Variants in TNFSF4 observed in about 807,000 individuals in gnomAD.
The protein encoded by TNFSF4 is TNF superfamily member 4, also known as tumor necrosis factor ligand superfamily member 4.
Under a neutral mutation model 7.3 loss-of-function variants are expected in TNFSF4, and 4 were observed. The observed-to-expected ratio is 0.55, with a 90% CI of 0.27 to 1.25. The LOEUF is 1.25. Among genes scored for constraint, TNFSF4 ranks in the 50% most tolerant of loss-of-function variants. The pLI is 0.12. For missense variants in TNFSF4, 181 were observed against 208.8 expected (o/e 0.87, Z 0.82); for synonymous variants, 76 against 83.7 (o/e 0.91, Z 0.50).
chr1:173,209,869 A>AATAAAGCC (rs369029361), upstream of TNFSF4, among the ~76,000 whole-genome samples: 313 of 152,298 alleles, frequency 2.1e-3, 1 homozygote, highest in Middle Eastern at 6.8e-3. Flanking sequence ...TCAGCCTTAA[A>AATAAAGCC]ATAAAGCCAC....
At chr1:173,198,861 A>G (rs1269687472) in intron 1 of TNFSF4, among the ~76,000 whole-genome samples, 1 of 152,216 alleles carries the variant, frequency 6.6e-6, no homozygotes, top group Non-Finnish European at 1.5e-5. Context: ...ACAAACTGAG[A>G]CTGGCGAATG....
At chr1:173,199,238 T>G (rs966528502) in intron 1 of TNFSF4, among the ~76,000 whole-genome samples, 5 of 152,224 alleles carry the variant, frequency 3.3e-5, no homozygotes, top group Non-Finnish European at 5.9e-5. Flanking sequence ...TGATGCTCCA[T>G]AAACATTGCT....
At chr1:173,281,893 T>A in the TNFSF4 span, among the ~76,000 whole-genome samples, 12 of 152,206 alleles carry the variant, frequency 7.9e-5, no homozygotes, top group African/African-American at 2.9e-4. Flanking sequence ...AATAAGAATT[T>A]GTCCAGTCAC....
the TNFSF4 span, among the ~76,000 whole-genome samples, chr1:173,229,259 G>A: frequency 6.6e-6 from 1 of 152,216 alleles, no homozygotes; most frequent in Non-Finnish European, 1.5e-5. Flanking sequence ...CAAGCCAGAA[G>A]AGAGTGGGGG....
chr1:173,264,649 C>T, the TNFSF4 span, among the ~76,000 whole-genome samples: 1 of 152,162 alleles, frequency 6.6e-6, no homozygotes, highest in South Asian at 2.1e-4. Flanking sequence ...AGCAAACAAA[C>T]TTTCTGACAT....
chr1:173,341,643 G>A, the TNFSF4 span, among the ~76,000 whole-genome samples: 2 of 152,288 alleles, frequency 1.3e-5, no homozygotes, highest in South Asian at 4.1e-4. Flanking sequence ...CTTGCAAACA[G>A]GAGACATTAC....
the TNFSF4 span, among the ~76,000 whole-genome samples, chr1:173,383,551 GGA>G: frequency 6.6e-6 from 1 of 152,144 alleles, no homozygotes; most frequent in Admixed American, 6.5e-5. Context: ...TTCAGATTCT[GGA>G]AAGAGACACT....
chr1:173,180,327 G>A (rs781155962), downstream of TNFSF4, among the ~76,000 whole-genome samples: 14 of 152,116 alleles, frequency 9.2e-5, no homozygotes, highest in African/African-American at 2.9e-4. Flanking sequence ...TATATTCAAC[G>A]CTTGGTGAGA....
the TNFSF4 span, among the ~76,000 whole-genome samples, chr1:173,354,744 T>C: frequency 1.3e-5 from 2 of 152,136 alleles, no homozygotes; most frequent in Non-Finnish European, 2.9e-5. Context: ...ATAAAAAACT[T>C]TGGAAAAATA....
chr1:173,323,732 T>C, the TNFSF4 span, among the ~76,000 whole-genome samples: 1 of 152,136 alleles, frequency 6.6e-6, no homozygotes, highest in African/African-American at 2.4e-5. Flanking sequence ...CCATAGTAAC[T>C]GATGTGATCA....
the TNFSF4 span, among the ~76,000 whole-genome samples, chr1:173,300,469 G>A: frequency 6.6e-6 from 1 of 151,796 alleles, no homozygotes; most frequent in African/African-American, 2.4e-5. Flanking sequence ...TGCTGAGGAG[G>A]GATTTTCTTA....
At chr1:173,392,123 C>T in the TNFSF4 span, among the ~76,000 whole-genome samples, 5 of 152,136 alleles carry the variant, frequency 3.3e-5, no homozygotes, top group Non-Finnish European at 7.4e-5. Context: ...AGTTCTAACT[C>T]AATGTCACCT....
At chr1:173,177,539 A>G in the TNFSF4 span, among the ~76,000 whole-genome samples, 1 of 152,170 alleles carries the variant, frequency 6.6e-6, no homozygotes, top group Non-Finnish European at 1.5e-5. Context: ...TCCATGACAC[A>G]CAATTTACCT....
the TNFSF4 span, among the ~76,000 whole-genome samples, chr1:173,380,339 A>T: frequency 6.6e-6 from 1 of 152,012 alleles, no homozygotes; most frequent in East Asian, 1.9e-4. Flanking sequence ...GAGGGAATCA[A>T]CTCTGAAGTC....
chr1:173,399,026 T>G, the TNFSF4 span, among the ~76,000 whole-genome samples: 110 of 152,274 alleles, frequency 7.2e-4, no homozygotes, highest in Admixed American at 1.1e-3. Context: ...TAACTGTGGG[T>G]GACCAAATTA....
At chr1:173,211,731 T>C (rs1008605362), upstream of TNFSF4, among the ~76,000 whole-genome samples, 4 of 152,244 alleles carry the variant, frequency 2.6e-5, no homozygotes, top group African/African-American at 9.6e-5. Context: ...CTAGAAGTAC[T>C]AAACAAAACC....
the TNFSF4 span, among the ~76,000 whole-genome samples, chr1:173,402,300 C>G: frequency 6.6e-6 from 1 of 152,182 alleles, no homozygotes; most frequent in Non-Finnish European, 1.5e-5. Context: ...AGCCACTTCA[C>G]CTACTATTAA....
the TNFSF4 span, among the ~76,000 whole-genome samples, chr1:173,220,903 C>T: frequency 4.0e-5 from 6 of 151,288 alleles, no homozygotes; most frequent in Non-Finnish European, 7.4e-5. Flanking sequence ...TCACACTCAC[C>T]AAAAAAAATA....
the TNFSF4 span, among the ~76,000 whole-genome samples, chr1:173,241,579 A>G: frequency 7.2e-5 from 11 of 152,210 alleles, no homozygotes; most frequent in Non-Finnish European, 1.5e-4. Flanking sequence ...CAGCTTATAA[A>G]GAGTACAGGA....
Sources: allele counts gnomAD v4.1 joint callset (sites outside exome capture counted in the v4.1 genomes callset), GRCh38; gene constraint gnomAD v4.1.1; transcripts MANE v1.5; gene names NCBI Gene and HGNC (gene_info 2026-07-23, HGNC 2026-07-21).